The following BBOF1 variants were observed in gnomAD, a reference collection of about 807,000 sequenced individuals.
BBOF1 encodes basal body orientation factor 1.
In BBOF1, 62 loss-of-function variants were observed where a neutral mutation model predicts 68.0. The ratio of observed to expected loss-of-function variants is 0.91; its 90% CI spans 0.74 to 1.13. The LOEUF is 1.13. BBOF1 is among the 50% of genes most tolerant of loss of function. The probability of loss-of-function intolerance (pLI) is 0.00; values close to 1 mark genes in which losing one functional copy is unlikely to be tolerated. For synonymous variants in BBOF1, 208 were observed against 198.8 expected (o/e 1.05, Z -0.39); for missense variants, 534 against 600.1 (o/e 0.89, Z 1.15).
At position 74,072,127 on chromosome 14, in the gene BBOF1, C is replaced by T. The variant is rs574949652; in HGVS notation, n.1380-6069C>T. 1.1e-5 allele frequency: 18 copies of T among 1,607,572 alleles called. No homozygotes were observed. The East Asian group carries it at 3.6e-4, about 32-fold the overall frequency. On this transcript the variant is annotated intron_variant and non_coding_transcript_variant, in intron 9 of 12. Coordinates refer to the BBOF1 transcript ENST00000492026. ...CATACTGCAGAGTAAGGGAGGGTGGCTGAAAAGGTCTCTGTGAGAGTGACA... is the reference window on the plus strand; with the variant it reads ...CATACTGCAGAGTAAGGGAGGGTGGTTGAAAAGGTCTCTGTGAGAGTGACA...
intron 5 of BBOF1, among the ~76,000 whole-genome samples, chr14:74,044,475 CTT>C (rs35074690): frequency 3.0e-5 from 4 of 135,302 alleles, no homozygotes; most frequent in Non-Finnish European, 3.1e-5. Flanking sequence ...AACCTCTTCT[CTT>C]TTTTTTTTTT....
chr14:74,061,871 A>G (rs1566825278), intron 11 of BBOF1, among the ~76,000 whole-genome samples: 1 of 152,084 alleles, frequency 6.6e-6, no homozygotes. Context: ...CTAGCAAGCT[A>G]GAATGACATT....
intron 2 of BBOF1, among the ~76,000 whole-genome samples, chr14:74,027,889 C>T (rs752847689): frequency 6.6e-6 from 1 of 151,890 alleles, no homozygotes; most frequent in Admixed American, 6.6e-5. Flanking sequence ...ATAAATGCAA[C>T]GCATGATCAA....
At chr14:74,071,270 T>C (rs1262017384) in intron 9 of BBOF1, 4 of 1,614,150 alleles carry the variant, frequency 2.5e-6, no homozygotes, top group South Asian at 1.1e-5. Context: ...GCAAGAAGCA[T>C]AGTTGCTCCA....
intron 4 of BBOF1, among the ~76,000 whole-genome samples, chr14:74,038,143 T>C (rs1385661294): frequency 1.3e-5 from 2 of 152,202 alleles, no homozygotes; most frequent in African/African-American, 4.8e-5. Flanking sequence ...GTGTGAACAG[T>C]GTTGTCCTTT....
intron 8 of BBOF1, among the ~76,000 whole-genome samples, chr14:74,054,652 C>T (rs569990655): frequency 4.7e-5 from 7 of 148,528 alleles, no homozygotes; most frequent in South Asian, 4.3e-4. Context: ...GCTGGGATTA[C>T]GGGTGTGAGC....
chr14:74,022,282 T>G (rs1235288211), intron 1 of BBOF1, among the ~76,000 whole-genome samples: 3 of 152,194 alleles, frequency 2.0e-5, no homozygotes, highest in Non-Finnish European at 4.4e-5. Flanking sequence ...GCGCAGTGGC[T>G]CACACCTGTA....
intron 11 of BBOF1, among the ~76,000 whole-genome samples, chr14:74,063,953 C>A (rs1434672992): frequency 6.6e-6 from 1 of 151,780 alleles, no homozygotes; most frequent in Non-Finnish European, 1.5e-5. Flanking sequence ...CAATTTGGTT[C>A]CAGATCTGCT....
chr14:74,021,174 A>G (rs1233103288), intron 1 of BBOF1, among the ~76,000 whole-genome samples: 1 of 152,092 alleles, frequency 6.6e-6, no homozygotes, highest in African/African-American at 2.4e-5. Context: ...TATAAGGGGG[A>G]GTGTTTTGTT....
intron 11 of BBOF1, among the ~76,000 whole-genome samples, chr14:74,061,527 T>C (rs1187313499): frequency 1.3e-5 from 2 of 152,136 alleles, no homozygotes; most frequent in African/African-American, 4.8e-5. Context: ...GCTAGCACCA[T>C]GTTGGCCAAG....
At chr14:74,034,858 G>T (rs1312318495) in intron 4 of BBOF1, among the ~76,000 whole-genome samples, 1 of 152,110 alleles carries the variant, frequency 6.6e-6, no homozygotes, top group Admixed American at 6.6e-5. Context: ...TGGAGGCCAA[G>T]GCAGGATAAT....
intron 5 of BBOF1, among the ~76,000 whole-genome samples, chr14:74,045,292 T>C (rs1799408094): frequency 6.8e-6 from 1 of 147,152 alleles, no homozygotes; most frequent in Admixed American, 6.7e-5. Context: ...TAATTATTAA[T>C]GCTCATAGTA....
intron 4 of BBOF1, among the ~76,000 whole-genome samples, chr14:74,037,831 T>C (rs2059743887): frequency 6.6e-6 from 1 of 151,902 alleles, no homozygotes; most frequent in African/African-American, 2.4e-5. Flanking sequence ...GGCACATGCC[T>C]GTAATCCCAG....
chr14:74,019,499 C>T lies in BBOF1; in HGVS notation c.21C>T (p.Asp7=). 6.2e-7 allele frequency: 1 copy of T among 1,606,230 alleles called. No individual in the cohort carries two copies. Among genetic ancestry groups the T allele is most frequent in the Non-Finnish European group, 8.5e-7 (1 of 1,176,172 alleles). The change falls in exon 1 of 12, where the codon GAC becomes GAT. Residue 7 remains aspartate, a synonymous_variant. Coordinates refer to ENST00000394009, the MANE Select transcript of BBOF1 (RefSeq NM_025057.3). MPSKGK[D]KKKGKSKGKD... is the part of the protein sequence containing the mutation. ...CCAAGATGCCGTCGAAGGGAAAGGA[C>T]AAAAAGAAAGGCAAGAGCAAAGGCA...
chr14:74,067,416 G>C, downstream of BBOF1: 5 of 1,613,960 alleles, frequency 3.1e-6, no homozygotes, highest in Non-Finnish European at 4.2e-6. Context: ...TGCTCCACCA[G>C]CTCTGGCAGC....
intron 8 of BBOF1, among the ~76,000 whole-genome samples, chr14:74,053,274 G>A (rs981545620): frequency 7.3e-5 from 11 of 151,560 alleles, no homozygotes; most frequent in Admixed American, 1.3e-4. Flanking sequence ...CACCATGCCC[G>A]GCTAATTTTT....
At chr14:74,034,643 G>A (rs1159891935) in intron 4 of BBOF1, among the ~76,000 whole-genome samples, 4 of 152,072 alleles carry the variant, frequency 2.6e-5, no homozygotes, top group African/African-American at 7.2e-5. Flanking sequence ...TACTTTCCTC[G>A]GCTTAGAATA....
intron 4 of BBOF1, among the ~76,000 whole-genome samples, chr14:74,036,690 A>AG (rs1466532339): frequency 6.6e-6 from 1 of 151,206 alleles, no homozygotes; most frequent in Non-Finnish European, 1.5e-5. Flanking sequence ...TCTCAAAAAA[A>AG]AAAAAAAAAA....
intron 11 of BBOF1, chr14:74,060,863 A>C: frequency 1.3e-6 from 1 of 740,836 alleles, no homozygotes; most frequent in Non-Finnish European, 2.4e-6. Context: ...TGAGAAATGC[A>C]ATCAGAATCC....
Sources: allele counts gnomAD v4.1 joint callset (sites outside exome capture counted in the v4.1 genomes callset), GRCh38; gene constraint gnomAD v4.1.1; transcripts MANE v1.5; gene names NCBI Gene and HGNC (gene_info 2026-07-23, HGNC 2026-07-21).